TFDP1: variants seen among roughly 807,000 people sequenced by gnomAD.
TFDP1 encodes DRTF1-polypeptide 1.
Under a neutral mutation model 48.0 loss-of-function variants are expected in TFDP1, and 6 were observed. That is an observed-to-expected ratio of 0.13 (90% CI 0.07 to 0.25). The LOEUF (loss-of-function observed/expected upper bound fraction) is 0.25. Ranked by LOEUF, TFDP1 falls within the 10% of genes least tolerant of loss-of-function variation. The pLI, the probability that TFDP1 is intolerant of heterozygous loss-of-function variation, is 1.00. For synonymous variants in TFDP1, 201 were observed against 211.6 expected, an observed-to-expected ratio of 0.95 and a Z score of 0.44; for missense variants, 335 against 543.0, an observed-to-expected ratio of 0.62 and a Z score of 3.81.
chr13:113,596,214 A>C (rs763345730), intron 2 of TFDP1, among the ~76,000 whole-genome samples: 10 of 152,300 alleles, frequency 6.6e-5, no homozygotes, highest in Non-Finnish European at 8.8e-5. Context: ...ATAGAACCCA[A>C]ATTATATTTT....
chr13:113,625,714 ACATGTCTTCAGGCG>A (rs2049143514), intron 4 of TFDP1, among the ~76,000 whole-genome samples: 1 of 60,150 alleles, frequency 1.7e-5, no homozygotes, highest in East Asian at 5.9e-4. Context: ...GGCGTCTCTC[ACATGTCTTCAGGCG>A]TCTCTCACGT....
chr13:113,635,039 G>T (rs1374314097), intron 8 of TFDP1, among the ~76,000 whole-genome samples: 2 of 152,234 alleles, frequency 1.3e-5, no homozygotes, highest in Non-Finnish European at 2.9e-5. Context: ...CTCCTCAGAG[G>T]TGCTTAACCC....
chr13:113,631,751 A>G lies in TFDP1; in HGVS notation c.308+7A>G. ...CCTCACCTTGGTCTGCCGGGTGAGCACTTCCCTCTGGACCCTTAGAGTTGT... is the reference window on the plus strand; with the variant it reads ...CCTCACCTTGGTCTGCCGGGTGAGCGCTTCCCTCTGGACCCTTAGAGTTGT... On this transcript the variant is annotated splice_region_variant and intron_variant, in intron 5 of 11. Coordinates refer to ENST00000375370, the MANE Select transcript of TFDP1 (RefSeq NM_007111.5). The G allele has an allele frequency of 6.2e-7, 1 of 1,613,724 alleles. No individual in the cohort carries two copies. The highest frequency in any genetic ancestry group is 8.5e-7 in the Non-Finnish European group (1 of 1,179,826).
chr13:113,629,172 A>G (rs1208708155), intron 4 of TFDP1, among the ~76,000 whole-genome samples: 1 of 152,232 alleles, frequency 6.6e-6, no homozygotes, highest in Non-Finnish European at 1.5e-5. Flanking sequence ...GGGCACGCAG[A>G]GGAAGGTGCA....
intron 3 of TFDP1, among the ~76,000 whole-genome samples, chr13:113,615,826 C>T (rs564046926): frequency 2.6e-5 from 4 of 152,174 alleles, no homozygotes; most frequent in South Asian, 2.1e-4. Context: ...GCAGGAGGAT[C>T]GCTTGAGCCT....
chr13:113,637,440 C>T (rs896179848), intron 10 of TFDP1, among the ~76,000 whole-genome samples: 1 of 152,220 alleles, frequency 6.6e-6, no homozygotes, highest in Non-Finnish European at 1.5e-5. Flanking sequence ...GCCCTGACCC[C>T]GGCCTCTGTC....
At chr13:113,601,233 C>G (rs2048417291) in intron 2 of TFDP1, among the ~76,000 whole-genome samples, 1 of 152,204 alleles carries the variant, frequency 6.6e-6, no homozygotes, top group Non-Finnish European at 1.5e-5. Flanking sequence ...TCTGTCACCT[C>G]CTAGTGCCTG....
At position 113,598,846 on chromosome 13, in the gene TFDP1, C is replaced by T. The variant is rs949812991; in HGVS notation, c.13-12150C>T. 6.6e-5 allele frequency among the ~76,000 whole-genome samples: 10 copies of T among 152,220 alleles called. No homozygotes were observed. Among genetic ancestry groups the T allele is most frequent in the Non-Finnish European group, 1.3e-4 (9 of 68,038 alleles). ...TTAGGGTGATGTTGGGCACCACCCT[C>T]GCCTGCAGCTCATCACCTCTGGATG... On this transcript the variant is annotated intron_variant, in intron 2 of 11. Coordinates refer to ENST00000375370, the MANE Select transcript of TFDP1 (RefSeq NM_007111.5). This position sits in a 1 kb window ranked among gnomAD's most constrained non-coding sequence, Gnocchi z 4.2.
At chr13:113,637,327 CA>C in intron 10 of TFDP1, 12 of 309,868 alleles carry the variant, frequency 3.9e-5, no homozygotes, top group East Asian at 9.2e-5. Context: ...CTGAGAGGGT[CA>C]GAGATTCCTC....
At chr13:113,602,358 G>A (rs191700393) in intron 2 of TFDP1, among the ~76,000 whole-genome samples, 2 of 152,072 alleles carry the variant, frequency 1.3e-5, no homozygotes, top group South Asian at 2.1e-4. Context: ...AGAGGGGAGC[G>A]GATGGAGTTC....
chr13:113,618,649 T>G (rs2048920950), intron 3 of TFDP1, among the ~76,000 whole-genome samples: 1 of 152,180 alleles, frequency 6.6e-6, no homozygotes, highest in African/African-American at 2.4e-5. Flanking sequence ...GGGAGCTGGG[T>G]GGACTCTGGG....
intron 2 of TFDP1, among the ~76,000 whole-genome samples, chr13:113,603,346 G>A (rs367878734): frequency 3.9e-5 from 6 of 152,368 alleles, no homozygotes; most frequent in East Asian, 3.9e-4. Flanking sequence ...GTGCTGGCTG[G>A]CAAAGAGGGA....
At chr13:113,612,847 C>T (rs967216741) in intron 3 of TFDP1, among the ~76,000 whole-genome samples, 25 of 152,188 alleles carry the variant, frequency 1.6e-4, no homozygotes, top group East Asian at 1.2e-3. Flanking sequence ...GGTTTTGAGC[C>T]GGCCCAGCAG....
chr13:113,601,560 G>A (rs373185107), intron 2 of TFDP1, among the ~76,000 whole-genome samples: 2 of 152,242 alleles, frequency 1.3e-5, no homozygotes, highest in African/African-American at 4.8e-5. Flanking sequence ...GCAGGGCCAG[G>A]GCACTGGAAG....
At chr13:113,619,493 A>C (rs1267188047) in intron 3 of TFDP1, among the ~76,000 whole-genome samples, 1 of 151,180 alleles carries the variant, frequency 6.6e-6, no homozygotes, top group Non-Finnish European at 1.5e-5. Context: ...AAAAAAAAAA[A>C]AAAAAAAGAA....
intron 4 of TFDP1, among the ~76,000 whole-genome samples, chr13:113,630,548 T>C (rs1033425527): frequency 6.6e-6 from 1 of 152,168 alleles, no homozygotes; most frequent in African/African-American, 2.4e-5. Flanking sequence ...CCCGCCAGCA[T>C]ACAGGTGTCC....
chr13:113,622,276 T>A (rs1203286242), intron 3 of TFDP1, among the ~76,000 whole-genome samples: 2 of 152,218 alleles, frequency 1.3e-5, no homozygotes, highest in East Asian at 3.9e-4. Flanking sequence ...CTTTGTCTTG[T>A]GTCTTTACTT....
At chr13:113,629,639 G>T (rs563948560) in intron 4 of TFDP1, among the ~76,000 whole-genome samples, 1 of 152,218 alleles carries the variant, frequency 6.6e-6, no homozygotes, top group Non-Finnish European at 1.5e-5. Flanking sequence ...ATCTGAGCAC[G>T]TGTAAGGTAG....
intron 2 of TFDP1, among the ~76,000 whole-genome samples, chr13:113,589,483 G>A (rs532552108): frequency 6.6e-6 from 1 of 152,324 alleles, no homozygotes; most frequent in East Asian, 1.9e-4. Context: ...AGCCTCAGGT[G>A]CAGTCCTGTC....
Sources: gnomAD v4.1 joint callset for allele counts (sites outside exome capture counted in the v4.1 genomes callset) on GRCh38, gnomAD v4.1.1 for gene constraint, Gnocchi (gnomAD v3.1) non-coding constraint, MANE v1.5 for transcripts, NCBI Gene and HGNC (gene_info 2026-07-23, HGNC 2026-07-21) for gene names.